PHC3: variants seen among roughly 807,000 people sequenced by gnomAD.
The protein encoded by PHC3 is polyhomeotic-like protein 3.
In PHC3, 13 loss-of-function variants were observed where a neutral mutation model predicts 107.4. The ratio of observed to expected loss-of-function variants is 0.12; its 90% CI spans 0.08 to 0.19. PHC3 has a LOEUF of 0.19. Among genes scored for constraint, PHC3 ranks in the 10% least tolerant of loss-of-function variants. PHC3 has a pLI of 1.00. For synonymous variants in PHC3, 456 were observed against 427.4 expected (o/e 1.07, Z -0.83); for missense variants, 992 against 1,210.9 (o/e 0.82, Z 2.68).
chr3:170,145,401 T>A, intron 6 of PHC3, 22 bp downstream of exon 6: 2 of 1,592,248 alleles, frequency 1.3e-6, no homozygotes, highest in Non-Finnish European at 1.7e-6. Context: ...AAGTAACACA[T>A]TATGAAGCTA....
intron 4 of PHC3, among the ~76,000 whole-genome samples, chr3:170,165,101 G>C (rs1365135105): frequency 1.3e-5 from 2 of 152,182 alleles, no homozygotes; most frequent in African/African-American, 4.8e-5. Context: ...TAGATAGAGA[G>C]GCTTCAGTAG....
At chr3:170,178,652 T>C (rs1730904994) in intron 2 of PHC3, 121 bp downstream of exon 2, 5 of 1,109,872 alleles carry the variant, frequency 4.5e-6, no homozygotes, top group East Asian at 2.4e-5. Context: ...AGACAGTTGA[T>C]TGAAACATTA....
In PHC3 at chr3:170,115,877, T is replaced by TCACACACACACACACACA. The variant is rs148039100; in HGVS notation, c.2193+1331_2193+1348dup. ...AATTGTTATAGGAAATCCAAGTTTC[T>TCACACACACACACACACA]CACACACACACACACACACACACAC... is the stretch of plus-strand genomic sequence containing the variant. On this transcript the variant is annotated intron_variant, in intron 10 of 14. Coordinates refer to ENST00000495893, the MANE Select transcript of PHC3 (RefSeq NM_024947.4). 1.2e-3 allele frequency among the ~76,000 whole-genome samples: 176 copies of TCACACACACACACACACA among 148,572 alleles called. 1 individual carries two copies. The highest frequency in any genetic ancestry group is 3.9e-3 in the African/African-American group (157 of 40,384).
intron 7 of PHC3, among the ~76,000 whole-genome samples, chr3:170,136,036 C>G (rs550790375): frequency 5.9e-5 from 9 of 152,220 alleles, no homozygotes; most frequent in African/African-American, 2.2e-4. Context: ...AAATTTCTCC[C>G]ACTGATAACA....
chr3:170,112,367 G>C (rs1476875244), intron 11 of PHC3, among the ~76,000 whole-genome samples: 3 of 146,620 alleles, frequency 2.0e-5, no homozygotes, highest in Admixed American at 6.8e-5. Flanking sequence ...CACACCACCA[G>C]GCCCAGCTAA....
intron 4 of PHC3, among the ~76,000 whole-genome samples, chr3:170,163,503 T>A (rs866409163): frequency 1.7e-4 from 23 of 138,804 alleles, no homozygotes; most frequent in African/African-American, 5.2e-4. Flanking sequence ...TGTGTGTGTG[T>A]GATGGCACTG....
intron 7 of PHC3, among the ~76,000 whole-genome samples, chr3:170,135,638 C>T (rs1004857678): frequency 1.3e-5 from 2 of 150,538 alleles, no homozygotes; most frequent in African/African-American, 4.9e-5. Context: ...AGATAAAAGA[C>T]GCTGTAACAA....
At chr3:170,154,764 C>T (rs1726619839) in intron 4 of PHC3, among the ~76,000 whole-genome samples, 1 of 152,222 alleles carries the variant, frequency 6.6e-6, no homozygotes. Context: ...CAGCTATCTA[C>T]TAATAACACC....
chr3:170,148,348 G>T (rs566003021), intron 5 of PHC3: 1 of 152,170 alleles, frequency 6.6e-6, no homozygotes, highest in Non-Finnish European at 1.5e-5. Flanking sequence ...GGACAAAAAA[G>T]AATATAAATA....
chr3:170,147,865 G>C (rs1040939134), intron 5 of PHC3: 1 of 152,160 alleles, frequency 6.6e-6, no homozygotes, highest in Non-Finnish European at 1.5e-5. Context: ...GTATGAAACT[G>C]CTAATTTTAG....
At chr3:170,128,480 T>G in intron 8 of PHC3, 1 of 1,166,450 alleles carries the variant, frequency 8.6e-7, no homozygotes, top group Non-Finnish European at 1.2e-6. Flanking sequence ...CCATCACAAA[T>G]TATAAAGCAT....
chr3:170,170,147 T>TA (rs1729366526), intron 4 of PHC3: 2 of 152,116 alleles, frequency 1.3e-5, no homozygotes, highest in African/African-American at 2.4e-5. Context: ...ACCATACCCT[T>TA]AGCTGAAGAA....
At chr3:170,180,648 T>A (rs1235990692) in intron 1 of PHC3, among the ~76,000 whole-genome samples, 2 of 150,956 alleles carry the variant, frequency 1.3e-5, no homozygotes, top group Non-Finnish European at 2.9e-5. Flanking sequence ...GTATTAGTGG[T>A]AGGTAAGGTA....
In PHC3 at chr3:170,096,671, A is replaced by C. The variant is rs1714676815; in HGVS notation, c.*559T>G. ...AGAAACTAACTCTTCTCACTTCCAG[A>C]TCAGTATTGTTCATACTAGAACACA... On this transcript the variant is annotated 3_prime_UTR_variant, in exon 15 of 15. Coordinates refer to ENST00000495893, the MANE Select transcript of PHC3 (RefSeq NM_024947.4). The C allele has an allele frequency of 6.6e-6, 1 of 152,226 alleles. No individual in the cohort carries two copies. The highest frequency in any genetic ancestry group is 2.4e-5 in the African/African-American group (1 of 41,460). 9.4% of individuals were successfully genotyped at this position (152,226 alleles called of 1,614,324 possible).
At chr3:170,155,751 T>C (rs930405857) in intron 4 of PHC3, among the ~76,000 whole-genome samples, 3 of 151,876 alleles carry the variant, frequency 2.0e-5, no homozygotes, top group Admixed American at 6.6e-5. Flanking sequence ...AATGACTGCA[T>C]TGGATATACA....
At chr3:170,123,419 G>C (rs1399125274) in intron 8 of PHC3, among the ~76,000 whole-genome samples, 2 of 149,414 alleles carry the variant, frequency 1.3e-5, no homozygotes, top group Non-Finnish European at 3.0e-5. Context: ...TTTTTATAAT[G>C]TTCCATACTT....
chr3:170,141,758 C>T (rs965917091), intron 6 of PHC3, among the ~76,000 whole-genome samples: 1 of 151,916 alleles, frequency 6.6e-6, no homozygotes, highest in Non-Finnish European at 1.5e-5. Context: ...ACTACAGGCC[C>T]GCACCACCAC....
intron 4 of PHC3, among the ~76,000 whole-genome samples, chr3:170,169,514 G>A (rs1464225889): frequency 6.6e-6 from 1 of 152,196 alleles, no homozygotes; most frequent in Non-Finnish European, 1.5e-5. Flanking sequence ...TAAAGCAAAT[G>A]TAATGTATTA....
chr3:170,103,870 C>T (rs1334029491), intron 12 of PHC3, among the ~76,000 whole-genome samples: 1 of 152,052 alleles, frequency 6.6e-6, no homozygotes, highest in East Asian at 1.9e-4. Context: ...AATGGCAAGA[C>T]CAGTTCAAGG....
Sources: allele counts gnomAD v4.1 joint callset (sites outside exome capture counted in the v4.1 genomes callset), GRCh38; gene constraint gnomAD v4.1.1; transcripts MANE v1.5; gene names NCBI Gene and HGNC (gene_info 2026-07-23, HGNC 2026-07-21).